Variants in PCDHGB7 observed in about 807,000 individuals in gnomAD.
PCDHGB7 encodes protocadherin gamma-B7.
Under a neutral mutation model 61.4 loss-of-function variants are expected in PCDHGB7, and 37 were observed. That is an observed-to-expected ratio of 0.60 (90% confidence interval 0.46 to 0.79). PCDHGB7 has a LOEUF of 0.79. Among genes scored for constraint, PCDHGB7 ranks in the 30% least tolerant of loss-of-function variants. The probability of loss-of-function intolerance (pLI) is 0.00; values close to 1 mark genes in which losing one functional copy is unlikely to be tolerated. For missense variants in PCDHGB7, 1,166 were observed against 1,202.5 expected, an observed-to-expected ratio of 0.97 and a Z score of 0.45; for synonymous variants, 464 against 503.5, an observed-to-expected ratio of 0.92 and a Z score of 1.05.
At chr5:141,504,990 C>T (rs1056476591) in intron 2 of PCDHGB7, among the ~76,000 whole-genome samples, 3 of 151,976 alleles carry the variant, frequency 2.0e-5, no homozygotes, top group Non-Finnish European at 2.9e-5. Context: ...GGTGAAACCC[C>T]GTCTGTACTA....
At chr5:141,505,121 C>A (rs1194549194) in intron 2 of PCDHGB7, among the ~76,000 whole-genome samples, 1 of 152,168 alleles carries the variant, frequency 6.6e-6, no homozygotes, top group Non-Finnish European at 1.5e-5. Context: ...AAGATCGCGC[C>A]ACTGCACTCC....
chr5:141,507,196 CCAGAT>C (rs2099859095), intron 3 of PCDHGB7: 1 of 152,374 alleles, frequency 6.6e-6, no homozygotes, highest in Non-Finnish European at 1.5e-5. Context: ...CTTTATTCTT[CCAGAT>C]CAGGGTTGCC....
chr5:141,507,553 C>T (rs1382652977), intron 3 of PCDHGB7, among the ~76,000 whole-genome samples: 4 of 152,192 alleles, frequency 2.6e-5, no homozygotes, highest in Admixed American at 2.0e-4. Flanking sequence ...ATGAAAGTGG[C>T]AGGCGGCTGG....
chr5:141,473,756 A>G (rs2099328139), intron 1 of PCDHGB7, among the ~76,000 whole-genome samples: 1 of 152,228 alleles, frequency 6.6e-6, no homozygotes, highest in African/African-American at 2.4e-5. Context: ...CTTGGATACT[A>G]TGCAAAGGAT....
chr5:141,437,956 T>A (rs998689841), intron 1 of PCDHGB7, among the ~76,000 whole-genome samples: 6 of 152,178 alleles, frequency 3.9e-5, no homozygotes, highest in African/African-American at 1.4e-4. Context: ...CAGAATGGTC[T>A]TGATCTCTTG....
chr5:141,436,840 C>T (rs1195342311), intron 1 of PCDHGB7, among the ~76,000 whole-genome samples: 1 of 152,220 alleles, frequency 6.6e-6, no homozygotes, highest in Admixed American at 6.5e-5. Flanking sequence ...TGCCTAGGCA[C>T]ATTCTTGATT....
rs554661873 is a variant in PCDHGB7, at chr5:141,487,723, T to C, written c.2416-7084T>C. ...GCCTCTCAGTAAGTGCCCATAGTGATGTCACCATTTTTGTAAGAGGTAACT... is the reference window on the plus strand; with the variant it reads ...GCCTCTCAGTAAGTGCCCATAGTGACGTCACCATTTTTGTAAGAGGTAACT... On this transcript the variant is annotated intron_variant, in intron 1 of 3. Transcript: ENST00000398594. The surrounding 1 kb of genome is among the most constrained non-coding windows in gnomAD (Gnocchi z 5.0). The C allele has an allele frequency of 2.6e-5, 41 of 1,574,932 alleles. No homozygotes were observed. Among genetic ancestry groups the C allele is most frequent in the Non-Finnish European group, 5.2e-6 (6 of 1,158,382 alleles).
intron 1 of PCDHGB7, among the ~76,000 whole-genome samples, chr5:141,473,267 C>G (rs1458810488): frequency 1.3e-5 from 2 of 152,248 alleles, no homozygotes; most frequent in African/African-American, 2.4e-5. Flanking sequence ...TTAGTGTATG[C>G]TATGATTATT....
At chr5:141,423,838 T>G in intron 1 of PCDHGB7, 1 of 1,279,552 alleles carries the variant, frequency 7.8e-7, no homozygotes, top group South Asian at 3.5e-5. Context: ...GAGATTACGA[T>G]AATCTTTCAG....
At position 141,431,106 on chromosome 5, in the gene PCDHGB7, T is replaced by C. The variant is rs566174531; in HGVS notation, c.2415+10832T>C. 25 of 1,614,108 alleles carry C rather than the reference T, an allele frequency of 1.5e-5. No homozygotes were observed. In the South Asian group the frequency reaches 2.7e-4, roughly 18 times the overall value. On this transcript the variant is annotated intron_variant, in intron 1 of 3. Transcript: ENST00000398594. This position sits in a 1 kb window ranked among gnomAD's most constrained non-coding sequence, Gnocchi z 4.8. ...ATTCTGATGGAGGATAAAGTGAAAA[T>C]ATATGGAGTAGAAGTAGAAGTAAGG...
chr5:141,419,151 C>A lies in PCDHGB7; in HGVS notation c.1292C>A (p.Pro431Gln). 6.2e-7 allele frequency: 1 copy of A among 1,613,918 alleles called. No individual in the cohort carries two copies. Residue 431 changes from proline (P) to glutamine (Q), a missense_variant, in exon 1 of 4, where the codon CCG becomes CAG. Coordinates refer to ENST00000398594, the MANE Select transcript of PCDHGB7 (RefSeq NM_018927.4). ...GCAGCCACAGACAGGGGCAAGCCTC[C>A]GTTATCCTCCAGCAAAACCATAACC... is the stretch of plus-strand genomic sequence containing the variant. ...TIAATDRGKPPLSSSKTITLH... is the reference protein window; with the variant it reads ...TIAATDRGKPQLSSSKTITLH...
intron 1 of PCDHGB7, among the ~76,000 whole-genome samples, chr5:141,439,557 A>C (rs766239185): frequency 1.2e-4 from 19 of 152,178 alleles, no homozygotes; most frequent in Non-Finnish European, 2.2e-4. Context: ...TTCAGGCTGC[A>C]GTTCTAGAGT....
intron 1 of PCDHGB7, among the ~76,000 whole-genome samples, chr5:141,442,609 TA>T (rs1238913928): frequency 6.6e-6 from 1 of 152,112 alleles, no homozygotes; most frequent in African/African-American, 2.4e-5. Flanking sequence ...GAGATCTCAG[TA>T]AAAAGCATTT....
intron 1 of PCDHGB7, among the ~76,000 whole-genome samples, chr5:141,437,926 T>C (rs1374182368): frequency 2.6e-5 from 4 of 152,058 alleles, no homozygotes; most frequent in Admixed American, 1.3e-4. Context: ...TTAGTAGAGA[T>C]GGGGTTTCAC....
chr5:141,458,848 T>C (rs1044462303), intron 1 of PCDHGB7, among the ~76,000 whole-genome samples: 1 of 152,182 alleles, frequency 6.6e-6, no homozygotes, highest in Non-Finnish European at 1.5e-5. Flanking sequence ...TCCTCCCACC[T>C]CAGCCTTCCA....
In PCDHGB7 at chr5:141,476,182, G is replaced by A. The variant is rs369561139; in HGVS notation, c.2416-18625G>A. On this transcript the variant is annotated intron_variant, in intron 1 of 3. Coordinates refer to ENST00000398594, the MANE Select transcript of PCDHGB7 (RefSeq NM_018927.4). This position sits in a 1 kb window ranked among gnomAD's most constrained non-coding sequence, Gnocchi z 7.6. ...GGAGGGTAGTGGGAGTTTTGCTTCT[G>A]CTTGGTGCCTTGAACAAGGCTTCCA... 5 of 1,613,554 alleles carry A rather than the reference G, an allele frequency of 3.1e-6. No homozygotes were observed. Among genetic ancestry groups the A allele is most frequent in the Admixed American group, 1.7e-5 (1 of 59,996 alleles).
rs762238827 is a variant in PCDHGB7 at position 141,487,202 on chromosome 5, C to T, written c.2416-7605C>T. ...CACTCATCCAGTTGTCCCAGATCTT[C>T]GAGAATCTTCAGCTCCAAGGGAAGG... On this transcript the variant is annotated intron_variant, in intron 1 of 3. Coordinates refer to ENST00000398594, the MANE Select transcript of PCDHGB7 (RefSeq NM_018927.4). This position sits in a 1 kb window ranked among gnomAD's most constrained non-coding sequence, Gnocchi z 5.0. 7 of 1,613,660 alleles carry T rather than the reference C, an allele frequency of 4.3e-6. No homozygotes were observed. The highest frequency in any genetic ancestry group is 1.7e-5 in the Admixed American group (1 of 59,992).
At chr5:141,471,263 C>T (rs2099253826) in intron 1 of PCDHGB7, 1 of 151,898 alleles carries the variant, frequency 6.6e-6, no homozygotes, top group African/African-American at 2.4e-5. Context: ...GTTGGCAAGG[C>T]TGGTCTCAAA....
At position 141,476,409 on chromosome 5, in the gene PCDHGB7, G is replaced by A. The variant is rs1226666958; in HGVS notation, c.2416-18398G>A. The A allele has an allele frequency of 6.2e-7, 1 of 1,614,154 alleles. No homozygotes were observed. The highest frequency in any genetic ancestry group is 1.7e-5 in the Admixed American group (1 of 60,030). ...GACCGTCTGGATCGAGAGGAGCTGT[G>A]TGGGACACTGCCCTCTTGCACTGTA... is the stretch of plus-strand genomic sequence containing the variant. On this transcript the variant is annotated intron_variant, in intron 1 of 3. Coordinates refer to ENST00000398594, the MANE Select transcript of PCDHGB7 (RefSeq NM_018927.4). The surrounding 1 kb of genome is among the most constrained non-coding windows in gnomAD (Gnocchi z 7.6).
Sources: allele counts gnomAD v4.1 joint callset (sites outside exome capture counted in the v4.1 genomes callset), GRCh38; gene constraint gnomAD v4.1.1; non-coding constraint Gnocchi (gnomAD v3.1); transcripts MANE v1.5; gene names NCBI Gene and HGNC (gene_info 2026-07-23, HGNC 2026-07-21).